The following RBFOX1 variants were observed in gnomAD, a reference collection of about 807,000 sequenced individuals.
RBFOX1 encodes the protein RNA binding protein fox-1 homolog 1.
RBFOX1 carries 8 observed loss-of-function variants against 57.7 expected under a neutral mutation model. That is an observed-to-expected ratio of 0.14 (90% CI 0.08 to 0.25). The LOEUF is 0.25. RBFOX1 is among the 10% of genes least tolerant of loss of function. The pLI, the probability that RBFOX1 is intolerant of heterozygous loss-of-function variation, is 1.00. For missense variants in RBFOX1, 611 were observed against 548.5 expected, an observed-to-expected ratio of 1.11 and a Z score of -1.14; for synonymous variants, 326 against 222.4, an observed-to-expected ratio of 1.47 and a Z score of -4.15.
intron 3 of RBFOX1, among the ~76,000 whole-genome samples, chr16:5,653,996 G>A (rs1567351879): frequency 1.3e-5 from 2 of 152,206 alleles, no homozygotes; most frequent in Non-Finnish European, 2.9e-5. Context: ...CAGCAGGGTG[G>A]GCAGGCGGGG....
chr16:7,123,562 G>GAT (rs1291754529), intron 4 of RBFOX1, among the ~76,000 whole-genome samples: 14 of 151,900 alleles, frequency 9.2e-5, no homozygotes, highest in Non-Finnish European at 1.8e-4. Context: ...ATGGGGTTTT[G>GAT]ACATATTGTC....
At chr16:7,505,827 T>C (rs986903595) in intron 4 of RBFOX1, among the ~76,000 whole-genome samples, 2 of 152,194 alleles carry the variant, frequency 1.3e-5, no homozygotes, top group African/African-American at 4.8e-5. Context: ...GATTCTGTCA[T>C]CTTTGTTGTT....
chr16:7,141,113 T>C (rs1200391680), intron 4 of RBFOX1, among the ~76,000 whole-genome samples: 4 of 152,146 alleles, frequency 2.6e-5, no homozygotes, highest in African/African-American at 9.7e-5. Flanking sequence ...AGTCATCTTG[T>C]GCAAAGTGGC....
At chr16:7,654,843 G>A (rs2065924733) in intron 12 of RBFOX1, among the ~76,000 whole-genome samples, 1 of 152,182 alleles carries the variant, frequency 6.6e-6, no homozygotes, top group Non-Finnish European at 1.5e-5. Flanking sequence ...GAGATGCTAT[G>A]TCCTCTATTG....
At chr16:7,684,128 G>T (rs1300487583) in intron 14 of RBFOX1, among the ~76,000 whole-genome samples, 1 of 152,026 alleles carries the variant, frequency 6.6e-6, no homozygotes, top group Non-Finnish European at 1.5e-5. Flanking sequence ...TTTTCCAGAA[G>T]AACTGATTTC....
chr16:5,363,781 G>A (rs1240659807), intron 1 of RBFOX1, among the ~76,000 whole-genome samples: 1 of 152,220 alleles, frequency 6.6e-6, no homozygotes, highest in Non-Finnish European at 1.5e-5. Flanking sequence ...ACCAGGGCCA[G>A]AAGGGTCAGA....
Position 6,431,882 on chromosome 16 carries a change from ATGCTTGCT to A in RBFOX1, c.-64+114835_-64+114842del, listed in dbSNP as rs530288649. Among the ~76,000 whole-genome samples the A allele has an allele frequency of 1.6e-3, 205 of 126,548 alleles. 2 individuals carry two copies. The highest frequency in any genetic ancestry group is 5.9e-3 in the South Asian group (20 of 3,366). The allele number at this position is 126,548 out of a possible 152,430, so 83.0% of individuals were successfully genotyped here. A position where few individuals can be genotyped will look rare whatever the true frequency, so the allele number is the denominator to read the frequency against. ...TTTATTTATGAACATGTCCAGAAATATGCTTGCTTGCTTGCTTTCTTTCTTTCTTTCTT... is the reference window on the plus strand; with the variant it reads ...TTTATTTATGAACATGTCCAGAAATATGCTTGCTTTCTTTCTTTCTTTCTT... On this transcript the variant is annotated intron_variant, in intron 2 of 15. Coordinates refer to ENST00000550418, the MANE Select transcript of RBFOX1 (RefSeq NM_018723.4).
chr16:6,784,199 C>T (rs960970300), intron 3 of RBFOX1, among the ~76,000 whole-genome samples: 1 of 151,990 alleles, frequency 6.6e-6, no homozygotes, highest in African/African-American at 2.4e-5. Flanking sequence ...TTTGAATAAA[C>T]TTTCTATCCC....
intron 3 of RBFOX1, among the ~76,000 whole-genome samples, chr16:6,927,164 G>C (rs955724805): frequency 6.6e-6 from 1 of 151,958 alleles, no homozygotes; most frequent in African/African-American, 2.4e-5. Context: ...CAGAAGTTCT[G>C]AATTGTTAGG....
intron 4 of RBFOX1, among the ~76,000 whole-genome samples, chr16:7,328,250 G>T (rs576346102): frequency 1.3e-5 from 2 of 151,982 alleles, no homozygotes; most frequent in Admixed American, 6.6e-5. Flanking sequence ...GGGAGGCTGC[G>T]GCAGGTAGAT....
At chr16:7,156,103 C>G (rs953142017) in intron 4 of RBFOX1, among the ~76,000 whole-genome samples, 1 of 151,914 alleles carries the variant, frequency 6.6e-6, no homozygotes, top group African/African-American at 2.4e-5. Flanking sequence ...AACTCCTGGG[C>G]TTAAGCAATC....
At chr16:6,562,790 T>A (rs1210726383) in intron 2 of RBFOX1, among the ~76,000 whole-genome samples, 1 of 151,912 alleles carries the variant, frequency 6.6e-6, no homozygotes, top group Non-Finnish European at 1.5e-5. Context: ...GCTGCTATAT[T>A]TTGAGTCTGT....
At chr16:6,689,368 T>A (rs1186055686) in intron 3 of RBFOX1, among the ~76,000 whole-genome samples, 1 of 152,192 alleles carries the variant, frequency 6.6e-6, no homozygotes, top group African/African-American at 2.4e-5. Context: ...ACATATATTA[T>A]ATATGAAAAT....
At chr16:7,041,082 A>ATTTTTTTTTTTTTTTTT (rs61569211) in intron 3 of RBFOX1, among the ~76,000 whole-genome samples, 3 of 109,310 alleles carry the variant, frequency 2.7e-5, no homozygotes, top group South Asian at 2.9e-4. Flanking sequence ...CGCCCAGCTA[A>ATTTTTTTTTTTTTTTTT]TTTTTTTTTT....
intron 4 of RBFOX1, among the ~76,000 whole-genome samples, chr16:7,240,254 G>A (rs543536385): frequency 2.9e-4 from 44 of 152,112 alleles, no homozygotes; most frequent in Middle Eastern, 3.4e-3. Context: ...GGTATGAGCC[G>A]ATGCATCCTG....
At chr16:7,556,291 C>A (rs1282389214) in intron 5 of RBFOX1, among the ~76,000 whole-genome samples, 1 of 152,158 alleles carries the variant, frequency 6.6e-6, no homozygotes, top group Non-Finnish European at 1.5e-5. Flanking sequence ...AGTTCTGTTT[C>A]TTGTACACCA....
At chr16:5,837,085 C>A (rs957871486) in intron 3 of RBFOX1, among the ~76,000 whole-genome samples, 1 of 152,090 alleles carries the variant, frequency 6.6e-6, no homozygotes, top group African/African-American at 2.4e-5. Flanking sequence ...TTAGGGGACA[C>A]TCATTCATAA....
At chr16:7,543,743 T>C (rs531819698) in intron 5 of RBFOX1, among the ~76,000 whole-genome samples, 9 of 151,932 alleles carry the variant, frequency 5.9e-5, no homozygotes, top group African/African-American at 2.2e-4. Flanking sequence ...TATTTATTTT[T>C]TTCAAATGGA....
intron 3 of RBFOX1, among the ~76,000 whole-genome samples, chr16:6,680,495 C>T (rs905995098): frequency 5.9e-5 from 9 of 152,242 alleles, no homozygotes; most frequent in East Asian, 5.8e-4. Flanking sequence ...GATCTCCTGA[C>T]CTCATGATCC....
Sources: allele counts gnomAD v4.1 joint callset (sites outside exome capture counted in the v4.1 genomes callset), GRCh38; gene constraint gnomAD v4.1.1; transcripts MANE v1.5; gene names NCBI Gene and HGNC (gene_info 2026-07-23, HGNC 2026-07-21).